CFAP20DC: variants seen among roughly 807,000 people sequenced by gnomAD.
The protein encoded by CFAP20DC is CFAP20 domain containing, also known as protein CFAP20DC.
A neutral mutation model predicts 101.7 loss-of-function variants in CFAP20DC; 84 were observed. That is an observed-to-expected ratio of 0.83 (90% CI 0.69 to 0.99). CFAP20DC has a LOEUF of 0.99. Ranked by LOEUF, CFAP20DC falls within the 50% of genes least tolerant of loss-of-function variation. The pLI is 0.00. For missense variants in CFAP20DC, 1,007 were observed against 970.3 expected, an observed-to-expected ratio of 1.04 and a Z score of -0.50; for synonymous variants, 359 against 351.2, an observed-to-expected ratio of 1.02 and a Z score of -0.25.
chr3:58,787,290 G>A (rs2072435516), intron 15 of CFAP20DC, among the ~76,000 whole-genome samples: 1 of 136,060 alleles, frequency 7.3e-6, no homozygotes, highest in Non-Finnish European at 1.5e-5. Flanking sequence ...ATTGAACAAT[G>A]AGATCACATG....
At chr3:58,870,414 TCCCCCCTCC>T (rs1326480632) in intron 7 of CFAP20DC, 105 bp from the exon 8 acceptor site, 1 of 1,019,452 alleles carries the variant, frequency 9.8e-7, no homozygotes, top group Non-Finnish European at 1.5e-6. Flanking sequence ...AGGATCCAAA[TCCCCCCTCC>T]CCCCTCAGCA....
Position 58,971,182 on chromosome 3 carries a change from G to A in CFAP20DC, c.279-33420C>T, listed in dbSNP as rs1383936744. On this transcript the variant is annotated intron_variant, in intron 4 of 16. Coordinates refer to ENST00000482387, the MANE Select transcript of CFAP20DC (RefSeq NM_001394063.1). This position sits in a 1 kb window ranked among gnomAD's most constrained non-coding sequence, Gnocchi z 4.1. ...TGAGCCTAACAGTACCATCACAAAC[G>A]ATCACTTTCTGAAGCTTACCATAAA... 2.0e-5 allele frequency among the ~76,000 whole-genome samples: 3 copies of A among 152,058 alleles called. No homozygotes were observed. The highest frequency in any genetic ancestry group is 1.9e-4 in the East Asian group (1 of 5,198).
chr3:58,824,266 T>G (rs1236371623), intron 14 of CFAP20DC, among the ~76,000 whole-genome samples: 1 of 152,084 alleles, frequency 6.6e-6, no homozygotes, highest in Non-Finnish European at 1.5e-5. Flanking sequence ...AACCTATTAA[T>G]TATAAGGAGT....
intron 4 of CFAP20DC, among the ~76,000 whole-genome samples, chr3:58,979,111 G>A (rs1304768277): frequency 1.3e-5 from 2 of 152,182 alleles, no homozygotes; most frequent in East Asian, 3.9e-4. Flanking sequence ...GTCATGACTA[G>A]ATGATATGTT....
At chr3:58,918,568 C>T (rs1044653449) in intron 5 of CFAP20DC, among the ~76,000 whole-genome samples, 1 of 152,132 alleles carries the variant, frequency 6.6e-6, no homozygotes, top group African/African-American at 2.4e-5. Flanking sequence ...CTTCATTATT[C>T]TGAAGTCATT....
At chr3:58,733,184 T>C (rs1012273653) in intron 3 of CFAP20DC, among the ~76,000 whole-genome samples, 2 of 151,836 alleles carry the variant, frequency 1.3e-5, no homozygotes, top group Non-Finnish European at 2.9e-5. Flanking sequence ...ATACAAAAAA[T>C]AGCTGGGCGT....
At chr3:58,975,637 C>T (rs963144294) in intron 4 of CFAP20DC, among the ~76,000 whole-genome samples, 2 of 152,088 alleles carry the variant, frequency 1.3e-5, no homozygotes, top group African/African-American at 4.8e-5. Flanking sequence ...AGGAGAATGT[C>T]TATTATGGTC....
At chr3:58,787,114 A>G (rs1005252841) in intron 15 of CFAP20DC, among the ~76,000 whole-genome samples, 1 of 151,996 alleles carries the variant, frequency 6.6e-6, no homozygotes, top group Non-Finnish European at 1.5e-5. Context: ...AATTTTATAT[A>G]AAAGTAATTT....
intron 6 of CFAP20DC, among the ~76,000 whole-genome samples, chr3:58,910,015 G>A (rs904526501): frequency 1.3e-5 from 2 of 152,126 alleles, no homozygotes; most frequent in African/African-American, 4.8e-5. Flanking sequence ...CTAGTTAGCT[G>A]AGGATGATGG....
chr3:58,812,632 C>A (rs1484980403), intron 14 of CFAP20DC, among the ~76,000 whole-genome samples: 1 of 151,486 alleles, frequency 6.6e-6, no homozygotes, highest in Non-Finnish European at 1.5e-5. Flanking sequence ...GTGCAGCACA[C>A]CAGCATGGCA....
At chr3:58,753,740 C>T (rs1331323371) in intron 16 of CFAP20DC, 29 bp downstream of exon 16, 2 of 1,360,088 alleles carry the variant, frequency 1.5e-6, no homozygotes, top group Admixed American at 1.7e-5. Context: ...TTTTTATTTT[C>T]TTATGCATAT....
chr3:58,773,319 G>A (rs1482374286), intron 15 of CFAP20DC, among the ~76,000 whole-genome samples: 1 of 151,552 alleles, frequency 6.6e-6, no homozygotes, highest in East Asian at 1.9e-4. Flanking sequence ...GGGAGGCTGA[G>A]GCTGGGGGAT....
At chr3:58,831,587 C>T (rs2076393495) in intron 14 of CFAP20DC, 99 bp downstream of exon 14, 1 of 908,708 alleles carries the variant, frequency 1.1e-6, no homozygotes, top group Non-Finnish European at 1.7e-6. Flanking sequence ...GGAGAGTTCT[C>T]ATTTTGGTCC....
At chr3:58,835,648 ATCCAGCAGAGAGAAGAAAGCAACTTTC>A (rs1228984960) in intron 13 of CFAP20DC, among the ~76,000 whole-genome samples, 14 of 152,202 alleles carry the variant, frequency 9.2e-5, no homozygotes, top group Non-Finnish European at 1.6e-4. Context: ...GGCAGCCAAA[ATCCAGCAGAGAGAAGAAAGCAACTTTC>A]TCCAGCATCA....
chr3:59,045,694 C>T (rs930810981), intron 3 of CFAP20DC, among the ~76,000 whole-genome samples: 1 of 152,018 alleles, frequency 6.6e-6, no homozygotes, highest in Non-Finnish European at 1.5e-5. Context: ...CATATATATA[C>T]TTTATGATTA....
Position 58,859,308 on chromosome 3 carries a change from T to A in CFAP20DC, c.1593+4250A>T, listed in dbSNP as rs1392851938. ...CTGTGTGGGAAGGGCACAATCATCA[T>A]ATGAATATTTTGGCAAAGTGATTAG... On this transcript the variant is annotated intron_variant, in intron 12 of 16. Coordinates refer to ENST00000482387, the MANE Select transcript of CFAP20DC (RefSeq NM_001394063.1). This position sits in a 1 kb window ranked among gnomAD's most constrained non-coding sequence, Gnocchi z 4.1. 6.6e-6 allele frequency among the ~76,000 whole-genome samples: 1 copy of A among 152,202 alleles called. No individual in the cohort carries two copies. Among genetic ancestry groups the A allele is most frequent in the Non-Finnish European group, 1.5e-5 (1 of 68,020 alleles).
intron 14 of CFAP20DC, among the ~76,000 whole-genome samples, chr3:58,822,220 C>G (rs191449688): frequency 6.7e-6 from 1 of 149,098 alleles, no homozygotes; most frequent in African/African-American, 2.5e-5. Flanking sequence ...GGGTGCAGCA[C>G]ATCAGCATGG....
intron 16 of CFAP20DC, among the ~76,000 whole-genome samples, chr3:58,750,937 T>C (rs2068521241): frequency 1.3e-5 from 2 of 152,190 alleles, no homozygotes. Flanking sequence ...ACTCTCATAA[T>C]TAAATTTTAG....
At chr3:58,811,343 G>A (rs1424525295) in intron 14 of CFAP20DC, among the ~76,000 whole-genome samples, 3 of 152,064 alleles carry the variant, frequency 2.0e-5, no homozygotes, top group Non-Finnish European at 4.4e-5. Flanking sequence ...CATGGTACTG[G>A]TACCAAAACA....
Sources: gnomAD v4.1 joint callset for allele counts (sites outside exome capture counted in the v4.1 genomes callset) on GRCh38, gnomAD v4.1.1 for gene constraint, Gnocchi (gnomAD v3.1) non-coding constraint, MANE v1.5 for transcripts, NCBI Gene and HGNC (gene_info 2026-07-23, HGNC 2026-07-21) for gene names.